The following PDE4D variants were observed in gnomAD, a reference collection of about 807,000 sequenced individuals.
PDE4D encodes the protein 3',5'-cyclic-AMP phosphodiesterase 4D.
In PDE4D, 24 loss-of-function variants were observed where a neutral mutation model predicts 87.4. The observed-to-expected ratio is 0.27, with a 90% CI of 0.20 to 0.39. PDE4D has a LOEUF of 0.39. Among genes scored for constraint, PDE4D ranks in the 10% least tolerant of loss-of-function variants. PDE4D has a pLI of 1.00. For synonymous variants in PDE4D, 384 were observed against 383.2 expected, an observed-to-expected ratio of 1.00 and a Z score of -0.02; for missense variants, 714 against 1,041.0, an observed-to-expected ratio of 0.69 and a Z score of 4.32.
At chr5:60,408,823 ATAT>A (rs1384731440) in intron 1 of PDE4D, among the ~76,000 whole-genome samples, 1 of 152,240 alleles carries the variant, frequency 6.6e-6, no homozygotes, top group Non-Finnish European at 1.5e-5. Flanking sequence ...TTCATAATAA[ATAT>A]AATATAGAAA....
At chr5:59,797,211 C>G (rs1428554962) in intron 1 of PDE4D, 1 of 150,640 alleles carries the variant, frequency 6.6e-6, no homozygotes, top group Non-Finnish European at 1.5e-5. Flanking sequence ...CACTCTTAAG[C>G]AGGAAAATAG....
chr5:59,298,747 T>C (rs899317780), intron 1 of PDE4D, among the ~76,000 whole-genome samples: 23 of 152,320 alleles, frequency 1.5e-4, no homozygotes, highest in African/African-American at 5.5e-4. Flanking sequence ...CTAAAGTGTT[T>C]TTAAAGCACA....
At chr5:59,415,447 C>T (rs909650174) in intron 1 of PDE4D, among the ~76,000 whole-genome samples, 1 of 152,078 alleles carries the variant, frequency 6.6e-6, no homozygotes, top group African/African-American at 2.4e-5. Flanking sequence ...AATACGGCAG[C>T]CAATGGCCAC....
chr5:59,391,679 T>A (rs1415215315), intron 1 of PDE4D, among the ~76,000 whole-genome samples: 1 of 151,934 alleles, frequency 6.6e-6, no homozygotes, highest in Non-Finnish European at 1.5e-5. Flanking sequence ...ATCTCCAACT[T>A]TTTCCCTTAT....
chr5:60,374,503 G>A (rs765799857), intron 1 of PDE4D, among the ~76,000 whole-genome samples: 1 of 152,170 alleles, frequency 6.6e-6, no homozygotes, highest in African/African-American at 2.4e-5. Flanking sequence ...TTCGGTCTGA[G>A]AGTAATCCTG....
Position 59,988,698 on chromosome 5 carries a change from T to C in PDE4D, c.62A>G (p.His21Arg), listed in dbSNP as rs779162239. Residue 21 changes from histidine (H) to arginine (R), a missense_variant, in exon 3 of 17, where the codon CAT becomes CGT. His to Arg is a conservative substitution (Grantham distance 29). Coordinates refer to the PDE4D transcript ENST00000502484. ...AGGGTCTTCCTCTTCATTACTGGAA[T>C]GTAGTGTTTCCTCAGAGGCCTGAGG... The C allele has an allele frequency of 1.9e-6, 3 of 1,595,222 alleles. No individual in the cohort carries two copies. The East Asian group carries it at 6.7e-5, about 36-fold the overall frequency.
At chr5:59,366,683 T>C (rs1783116994) in intron 1 of PDE4D, among the ~76,000 whole-genome samples, 1 of 152,356 alleles carries the variant, frequency 6.6e-6, no homozygotes, top group African/African-American at 2.4e-5. Flanking sequence ...GGTTTTATTA[T>C]TTTGTTTTCT....
chr5:59,638,396 G>A (rs910028482), intron 1 of PDE4D, among the ~76,000 whole-genome samples: 3 of 152,058 alleles, frequency 2.0e-5, no homozygotes, highest in Admixed American at 2.0e-4. Context: ...ATCAAAAAAG[G>A]GGAAAAAGAA....
intron 1 of PDE4D, among the ~76,000 whole-genome samples, chr5:59,326,085 G>A (rs1381364658): frequency 6.6e-6 from 1 of 152,044 alleles, no homozygotes; most frequent in Non-Finnish European, 1.5e-5. Context: ...CATGGACACA[G>A]GAAGGGGAAC....
At chr5:59,518,911 A>T (rs1486191628) in intron 1 of PDE4D, among the ~76,000 whole-genome samples, 3 of 152,210 alleles carry the variant, frequency 2.0e-5, no homozygotes, top group African/African-American at 4.8e-5. Flanking sequence ...AAACAGAACA[A>T]CCTTATTAGT....
intron 5 of PDE4D, among the ~76,000 whole-genome samples, chr5:59,071,683 C>CTTTTTTTTTTTTTTT (rs10701223): frequency 1.2e-5 from 1 of 82,406 alleles, no homozygotes; most frequent in African/African-American, 5.0e-5. Flanking sequence ...TATTTCTCTT[C>CTTTTTTTTTTTTTTT]TTTTTTTTTT....
intron 8 of PDE4D, 93 bp downstream of exon 8, chr5:58,991,725 AAAACCCCAATTAAT>A: frequency 1.6e-6 from 1 of 634,024 alleles, no homozygotes; most frequent in Non-Finnish European, 2.1e-6. Flanking sequence ...AGAAAAAAAA[AAAACCCCAATTAAT>A]AAACTTTTCT....
In PDE4D at chr5:59,423,459, A is replaced by T. The variant is rs1156300202; in HGVS notation, c.456-207491T>A. ...AATTAATGCAGCATTCCATTGCCAA[A>T]TTTTTTCTGAAACAACTCTTTCCAT... On this transcript the variant is annotated intron_variant, in intron 1 of 14. Transcript: ENST00000340635. 6.6e-5 allele frequency among the ~76,000 whole-genome samples: 10 copies of T among 152,106 alleles called. No homozygotes were observed. In the South Asian group the frequency reaches 1.0e-3, roughly 16 times the overall value.
intron 1 of PDE4D, chr5:60,335,204 A>G (rs1456892895): frequency 2.0e-5 from 3 of 152,254 alleles, no homozygotes; most frequent in Non-Finnish European, 2.9e-5. Flanking sequence ...ACGCTATTGC[A>G]ATAGGGAAGG....
intron 1 of PDE4D, among the ~76,000 whole-genome samples, chr5:60,197,074 C>T (rs11740032): frequency 0.076 from 3,858 of 51,004 alleles, 122 homozygotes; most frequent in East Asian, 0.11. Context: ...GATAGATAGA[C>T]AGTTAGATAG....
In PDE4D at chr5:59,448,708, G is replaced by A. The variant is rs150453192; in HGVS notation, c.456-232740C>T. ...CAGGCTAGAGTGCAGTGGCACAATC[G>A]CTGCAACCTTGACTTCAGGACTCAC... On this transcript the variant is annotated intron_variant, in intron 1 of 14. Transcript: ENST00000340635. Among the ~76,000 whole-genome samples, 1,087 of 152,252 alleles carry A rather than the reference G, an allele frequency of 7.1e-3. 8 individuals carry two copies. The highest frequency in any genetic ancestry group is 0.011 in the Non-Finnish European group (768 of 68,016).
At chr5:59,009,029 C>T (rs7356672) in intron 6 of PDE4D, among the ~76,000 whole-genome samples, 15,335 of 152,074 alleles carry the variant, frequency 0.1, 1,035 homozygotes, top group Non-Finnish European at 0.13. Flanking sequence ...AGATGCCACA[C>T]TACATACTTA....
At chr5:60,415,406 G>A (rs1054981493) in intron 1 of PDE4D, among the ~76,000 whole-genome samples, 25 of 152,248 alleles carry the variant, frequency 1.6e-4, no homozygotes, top group African/African-American at 6.0e-4. Flanking sequence ...CCCCTTTCTC[G>A]GCTGGCCAAG....
At chr5:59,282,277 A>T (rs534796414) in intron 1 of PDE4D, among the ~76,000 whole-genome samples, 1 of 152,286 alleles carries the variant, frequency 6.6e-6, no homozygotes, top group African/African-American at 2.4e-5. Flanking sequence ...GAGATGAAAC[A>T]ACTGGAAAGA....
Sources: gnomAD v4.1 joint callset for allele counts (sites outside exome capture counted in the v4.1 genomes callset) on GRCh38, gnomAD v4.1.1 for gene constraint, MANE v1.5 for transcripts, NCBI Gene and HGNC (gene_info 2026-07-23, HGNC 2026-07-21) for gene names.